The following TMEM108 variants were observed in gnomAD, a reference collection of about 807,000 sequenced individuals.
The protein encoded by TMEM108 is transmembrane protein 108.
TMEM108 carries 12 observed loss-of-function variants against 35.1 expected under a neutral mutation model. The ratio of observed to expected loss-of-function variants is 0.34; its 90% CI spans 0.22 to 0.55. The LOEUF is 0.55. Ranked by LOEUF, TMEM108 falls within the 20% of genes least tolerant of loss-of-function variation. The pLI is 0.89. For missense variants in TMEM108, 680 were observed against 753.3 expected, an observed-to-expected ratio of 0.90 and a Z score of 1.14; for synonymous variants, 287 against 308.6, an observed-to-expected ratio of 0.93 and a Z score of 0.73.
chr3:133,191,518 C>G, intron 2 of TMEM108, among the ~76,000 whole-genome samples: 1 of 152,136 alleles, frequency 6.6e-6, no homozygotes, highest in East Asian at 1.9e-4. Context: ...TGCCACATGC[C>G]AACAAGGATG....
chr3:133,168,783 A>G (rs1166200730), intron 2 of TMEM108, among the ~76,000 whole-genome samples: 1 of 151,676 alleles, frequency 6.6e-6, no homozygotes, highest in African/African-American at 2.4e-5. Context: ...GCTGCTGCTC[A>G]CTCTTTGGGT....
chr3:133,122,695 C>G (rs570126131), intron 2 of TMEM108, among the ~76,000 whole-genome samples: 1 of 151,966 alleles, frequency 6.6e-6, no homozygotes, highest in Non-Finnish European at 1.5e-5. Context: ...AACCCCGTCT[C>G]TACTAAAAAT....
intron 2 of TMEM108, among the ~76,000 whole-genome samples, chr3:133,084,244 C>G (rs985244568): frequency 6.6e-6 from 1 of 152,204 alleles, no homozygotes; most frequent in Non-Finnish European, 1.5e-5. Flanking sequence ...CCAGACTTGC[C>G]TATCTGAATC....
At chr3:133,168,875 C>T (rs929828881) in intron 2 of TMEM108, among the ~76,000 whole-genome samples, 1 of 152,140 alleles carries the variant, frequency 6.6e-6, no homozygotes, top group African/African-American at 2.4e-5. Flanking sequence ...ACAAACCCAC[C>T]GGGAGGAAGG....
chr3:133,100,547 G>A (rs527665182), intron 2 of TMEM108, among the ~76,000 whole-genome samples: 90 of 152,328 alleles, frequency 5.9e-4, no homozygotes, highest in Non-Finnish European at 7.2e-4. Flanking sequence ...TGAGACTGAA[G>A]TGAGCCATCA....
rs1437866893 is a variant in TMEM108, at chr3:133,228,308, C to A, written c.-46-958C>A. ...ATGTAAATTTTAAAAATTTTATATACAAATGACCAATAAACATAAAATGCA... is the reference window on the plus strand; with the variant it reads ...ATGTAAATTTTAAAAATTTTATATAAAAATGACCAATAAACATAAAATGCA... On this transcript the variant is annotated intron_variant, in intron 2 of 5. Coordinates refer to ENST00000321871, the MANE Select transcript of TMEM108 (RefSeq NM_023943.4). Among the ~76,000 whole-genome samples the A allele has an allele frequency of 5.3e-5, 8 of 151,944 alleles. 1 individual carries two copies. Among genetic ancestry groups the A allele is most frequent in the African/African-American group, 1.4e-4 (6 of 41,390 alleles).
intron 2 of TMEM108, among the ~76,000 whole-genome samples, chr3:133,169,818 T>C (rs565113107): frequency 4.0e-4 from 61 of 152,276 alleles, no homozygotes; most frequent in East Asian, 2.5e-3. Context: ...ATCTATCAAA[T>C]ACCAGATGGC....
At chr3:133,139,034 G>T (rs552274896) in intron 2 of TMEM108, among the ~76,000 whole-genome samples, 5 of 151,424 alleles carry the variant, frequency 3.3e-5, no homozygotes, top group African/African-American at 1.2e-4. Flanking sequence ...TTCTGTTCCT[G>T]TGTTAGTTTG....
At chr3:133,204,428 G>C (rs1043281136) in intron 2 of TMEM108, among the ~76,000 whole-genome samples, 1 of 152,084 alleles carries the variant, frequency 6.6e-6, no homozygotes, top group Admixed American at 6.5e-5. Context: ...GCTTTCTCCT[G>C]TGGGCATTTA....
At chr3:133,240,796 A>C (rs1231907068) in intron 3 of TMEM108, among the ~76,000 whole-genome samples, 10 of 152,212 alleles carry the variant, frequency 6.6e-5, no homozygotes, top group African/African-American at 2.4e-4. Context: ...TGAGAGTTAA[A>C]TGGGTAGGGT....
intron 3 of TMEM108, among the ~76,000 whole-genome samples, chr3:133,337,942 A>G (rs1358079588): frequency 6.6e-6 from 1 of 152,210 alleles, no homozygotes; most frequent in Non-Finnish European, 1.5e-5. Flanking sequence ...GTCTTTTAAT[A>G]GCAGACTTGA....
intron 2 of TMEM108, among the ~76,000 whole-genome samples, chr3:133,073,510 C>CTCTCTATATATA: frequency 2.4e-3 from 105 of 43,882 alleles, no homozygotes; most frequent in Middle Eastern, 0.031. Context: ...CTCTCTCTCT[C>CTCTCTATATATA]TATATATATA....
Position 133,070,674 on chromosome 3 carries a change from C to T in TMEM108, c.-47+24654C>T, listed in dbSNP as rs140160371. Reference sequence around the variant, plus strand: ...AAAGCAATGTCCCTGTCCTGGTAGGCGACCCACAGAAAAACCATTTTGTTT... The same window carrying T: ...AAAGCAATGTCCCTGTCCTGGTAGGTGACCCACAGAAAAACCATTTTGTTT... On this transcript the variant is annotated intron_variant, in intron 2 of 5. Transcript: ENST00000321871. Among the ~76,000 whole-genome samples, 517 of 151,954 alleles carry T rather than the reference C, an allele frequency of 3.4e-3. 3 individuals are homozygous for T. Among genetic ancestry groups the T allele is most frequent in the African/African-American group, 0.012 (489 of 41,446 alleles).
intron 2 of TMEM108, among the ~76,000 whole-genome samples, chr3:133,051,481 C>T (rs1050773610): frequency 6.6e-6 from 1 of 151,950 alleles, no homozygotes; most frequent in African/African-American, 2.4e-5. Flanking sequence ...ATTCTCTTGA[C>T]CTGATGTTTC....
chr3:133,392,393 C>A (rs150572599), intron 5 of TMEM108, among the ~76,000 whole-genome samples: 1 of 152,120 alleles, frequency 6.6e-6, no homozygotes, highest in African/African-American at 2.4e-5. Flanking sequence ...GACCTCCTCA[C>A]CTCAAGTGAC....
intron 2 of TMEM108, among the ~76,000 whole-genome samples, chr3:133,139,727 G>T (rs74653924): frequency 6.6e-6 from 1 of 152,152 alleles, no homozygotes; most frequent in Non-Finnish European, 1.5e-5. Context: ...ATTTCTGGCT[G>T]CTCTGCCATT....
intron 2 of TMEM108, among the ~76,000 whole-genome samples, chr3:133,130,363 G>A (rs183021581): frequency 3.3e-5 from 5 of 152,308 alleles, no homozygotes; most frequent in East Asian, 1.9e-4. Context: ...ATCTCTGCTC[G>A]CCTCAGCATC....
At chr3:133,151,666 T>G (rs1401320742) in intron 2 of TMEM108, among the ~76,000 whole-genome samples, 1 of 152,168 alleles carries the variant, frequency 6.6e-6, no homozygotes, top group African/African-American at 2.4e-5. Flanking sequence ...CAAACCAGGC[T>G]TAATGGTTTA....
At chr3:133,149,434 C>A (rs1944766197) in intron 2 of TMEM108, among the ~76,000 whole-genome samples, 1 of 152,120 alleles carries the variant, frequency 6.6e-6, no homozygotes, top group Non-Finnish European at 1.5e-5. Flanking sequence ...ACTATAGTTA[C>A]TATGCTGTAT....
Sources: gnomAD v4.1 joint callset for allele counts (sites outside exome capture counted in the v4.1 genomes callset) on GRCh38, gnomAD v4.1.1 for gene constraint, MANE v1.5 for transcripts, NCBI Gene and HGNC (gene_info 2026-07-23, HGNC 2026-07-21) for gene names.